FBXL7: variants seen among roughly 807,000 people sequenced by gnomAD.
FBXL7 encodes F-box and leucine rich repeat protein 7.
FBXL7 carries 12 observed loss-of-function variants against 38.3 expected under a neutral mutation model. That is an observed-to-expected ratio of 0.31 (90% CI 0.20 to 0.51). The LOEUF (loss-of-function observed/expected upper bound fraction) is 0.51, where lower values mean the gene tolerates loss of function less well. Ranked by LOEUF, FBXL7 falls within the 20% of genes least tolerant of loss-of-function variation. The pLI, the probability that FBXL7 is intolerant of heterozygous loss-of-function variation, is 0.98. For synonymous variants in FBXL7, 297 were observed against 300.9 expected (o/e 0.99, Z 0.13); for missense variants, 567 against 676.4 (o/e 0.84, Z 1.79).
chr5:15,810,561 C>A (rs1431488611), intron 2 of FBXL7, among the ~76,000 whole-genome samples: 81 of 135,598 alleles, frequency 6.0e-4, no homozygotes, highest in Admixed American at 6.8e-4. Context: ...AACTCCGTCT[C>A]AAAAAAAAAA....
chr5:15,923,849 C>T (rs137896686), intron 2 of FBXL7, among the ~76,000 whole-genome samples: 2 of 152,076 alleles, frequency 1.3e-5, no homozygotes, highest in South Asian at 2.1e-4. Flanking sequence ...TTCACCCTCC[C>T]CCCTCCGCCC....
intron 2 of FBXL7, among the ~76,000 whole-genome samples, chr5:15,876,364 G>A (rs997968093): frequency 4.0e-5 from 6 of 151,556 alleles, no homozygotes; most frequent in South Asian, 2.1e-4. Flanking sequence ...AAACCTGAAC[G>A]TTCTACACAT....
At chr5:15,571,335 T>C (rs1738774990) in intron 1 of FBXL7, among the ~76,000 whole-genome samples, 1 of 152,058 alleles carries the variant, frequency 6.6e-6, no homozygotes, top group Admixed American at 6.6e-5. Context: ...CTAGCAACAA[T>C]GAAAGGGGCT....
chr5:15,883,050 A>G (rs2126341386), intron 2 of FBXL7, among the ~76,000 whole-genome samples: 1 of 152,314 alleles, frequency 6.6e-6, no homozygotes, highest in Admixed American at 6.5e-5. Context: ...ATCTTTCAAA[A>G]TGGCAGCCAA....
intron 2 of FBXL7, among the ~76,000 whole-genome samples, chr5:15,868,210 A>G (rs1319902779): frequency 1.3e-5 from 2 of 152,122 alleles, no homozygotes; most frequent in African/African-American, 2.4e-5. Flanking sequence ...GCAAGGCAAC[A>G]GGAACCTACA....
chr5:15,827,345 C>T (rs1418007853), intron 2 of FBXL7, among the ~76,000 whole-genome samples: 2 of 151,572 alleles, frequency 1.3e-5, no homozygotes, highest in East Asian at 3.9e-4. Context: ...TATGTTAAAA[C>T]AGAAATCTTC....
At chr5:15,852,180 T>A (rs1739118126) in intron 2 of FBXL7, among the ~76,000 whole-genome samples, 1 of 152,218 alleles carries the variant, frequency 6.6e-6, no homozygotes, top group African/African-American at 2.4e-5. Context: ...TTGGATTGGT[T>A]ACAATGGAAA....
At chr5:15,519,469 CA>C (rs946903390) in intron 1 of FBXL7, among the ~76,000 whole-genome samples, 19 of 148,192 alleles carry the variant, frequency 1.3e-4, no homozygotes, top group African/African-American at 4.4e-4. Context: ...AACAAACAAA[CA>C]AAAAAAACTT....
chr5:15,537,674 C>T (rs934878800), intron 1 of FBXL7, among the ~76,000 whole-genome samples: 4 of 152,178 alleles, frequency 2.6e-5, no homozygotes, highest in Non-Finnish European at 5.9e-5. Flanking sequence ...GGGTTTATTC[C>T]CTAGCTATAA....
chr5:15,691,251 C>T (rs934213512), intron 2 of FBXL7, among the ~76,000 whole-genome samples: 2 of 152,182 alleles, frequency 1.3e-5, no homozygotes, highest in African/African-American at 2.4e-5. Context: ...GCAGACACAC[C>T]AAGGGTTGGC....
chr5:15,806,287 G>T (rs1737709881), intron 2 of FBXL7, among the ~76,000 whole-genome samples: 1 of 152,082 alleles, frequency 6.6e-6, no homozygotes, highest in Non-Finnish European at 1.5e-5. Context: ...AAGTAGAAAA[G>T]TTAACTCCCC....
chr5:15,870,281 T>C (rs1293470813), intron 2 of FBXL7, among the ~76,000 whole-genome samples: 1 of 151,664 alleles, frequency 6.6e-6, no homozygotes, highest in Non-Finnish European at 1.5e-5. Context: ...TGCATGGAGA[T>C]GGGGGTGTGG....
chr5:15,659,881 A>G (rs1742000500), intron 2 of FBXL7, among the ~76,000 whole-genome samples: 1 of 152,244 alleles, frequency 6.6e-6, no homozygotes, highest in Non-Finnish European at 1.5e-5. Flanking sequence ...AATAGTGCTT[A>G]TATTGTGGAG....
intron 2 of FBXL7, among the ~76,000 whole-genome samples, chr5:15,852,112 A>C (rs898729863): frequency 2.0e-5 from 3 of 152,114 alleles, no homozygotes; most frequent in African/African-American, 7.2e-5. Flanking sequence ...CCTTCAGTAC[A>C]TGCTAGATCA....
intron 1 of FBXL7, among the ~76,000 whole-genome samples, chr5:15,567,023 C>G (rs1048062351): frequency 6.6e-6 from 1 of 152,118 alleles, no homozygotes; most frequent in African/African-American, 2.4e-5. Flanking sequence ...TCTACTACTG[C>G]TCATCTGCTT....
chr5:15,843,220 ATTC>A (rs1171483043), intron 2 of FBXL7, among the ~76,000 whole-genome samples: 6 of 152,144 alleles, frequency 3.9e-5, no homozygotes, highest in Non-Finnish European at 8.8e-5. Context: ...GTCAAAGTGT[ATTC>A]TTCTCTTCTT....
chr5:15,645,038 C>G (rs536686051), intron 2 of FBXL7, among the ~76,000 whole-genome samples: 1 of 152,274 alleles, frequency 6.6e-6, no homozygotes, highest in Non-Finnish European at 1.5e-5. Flanking sequence ...ATATACAAGG[C>G]TAATATGGGC....
intron 2 of FBXL7, among the ~76,000 whole-genome samples, chr5:15,889,037 G>T (rs1247508806): frequency 6.6e-6 from 1 of 152,024 alleles, no homozygotes; most frequent in Non-Finnish European, 1.5e-5. Context: ...CTGGGCCTTG[G>T]TCTCTCCACA....
intron 2 of FBXL7, among the ~76,000 whole-genome samples, chr5:15,627,102 C>T (rs1378247629): frequency 1.3e-5 from 2 of 152,206 alleles, no homozygotes; most frequent in East Asian, 3.9e-4. Context: ...CCCACCATTC[C>T]CAACTGTCTT....
Sources: allele counts gnomAD v4.1 joint callset (sites outside exome capture counted in the v4.1 genomes callset), GRCh38; gene constraint gnomAD v4.1.1; transcripts MANE v1.5; gene names NCBI Gene and HGNC (gene_info 2026-07-23, HGNC 2026-07-21).